The following ASXL3 variants were observed in gnomAD, a reference collection of about 807,000 sequenced individuals.
ASXL3 encodes ASXL transcriptional regulator 3, also known as putative Polycomb group protein ASXL3.
Under a neutral mutation model 170.6 loss-of-function variants are expected in ASXL3, and 34 were observed. The observed-to-expected ratio is 0.20, with a 90% confidence interval of 0.15 to 0.27. The LOEUF is 0.27. Ranked by LOEUF, ASXL3 falls within the 10% of genes least tolerant of loss-of-function variation. The pLI is 1.00. For missense variants in ASXL3, 2,592 were observed against 2,695.3 expected, an observed-to-expected ratio of 0.96 and a Z score of 0.85; for synonymous variants, 1,002 against 989.1, an observed-to-expected ratio of 1.01 and a Z score of -0.24.
intron 1 of ASXL3, among the ~76,000 whole-genome samples, chr18:33,592,651 G>A (rs1419987213): frequency 1.3e-5 from 2 of 152,152 alleles, no homozygotes; most frequent in Non-Finnish European, 1.5e-5. Flanking sequence ...GATTTTTACT[G>A]TTGCATATCT....
intron 4 of ASXL3, among the ~76,000 whole-genome samples, chr18:33,647,749 A>G (rs1265396409): frequency 6.6e-6 from 1 of 152,050 alleles, no homozygotes; most frequent in Non-Finnish European, 1.5e-5. Flanking sequence ...AACAAAAGCA[A>G]ATCTCTCATG....
At chr18:33,640,177 T>C (rs2065824562) in intron 2 of ASXL3, among the ~76,000 whole-genome samples, 2 of 152,092 alleles carry the variant, frequency 1.3e-5, no homozygotes, top group South Asian at 4.1e-4. Flanking sequence ...GGACACTGTT[T>C]CTTCACTATC....
intron 5 of ASXL3, among the ~76,000 whole-genome samples, chr18:33,667,380 T>G (rs1371439781): frequency 6.6e-6 from 1 of 152,166 alleles, no homozygotes; most frequent in Non-Finnish European, 1.5e-5. Context: ...AAGGGAAGCT[T>G]TATATTTGAC....
intron 8 of ASXL3, among the ~76,000 whole-genome samples, chr18:33,720,944 CA>C (rs2067247978): frequency 6.6e-6 from 1 of 151,950 alleles, no homozygotes; most frequent in African/African-American, 2.4e-5. Flanking sequence ...AGGGAAATCC[CA>C]TGTAAGCACA....
At chr18:33,631,482 A>G (rs1284678210) in intron 2 of ASXL3, among the ~76,000 whole-genome samples, 1 of 152,152 alleles carries the variant, frequency 6.6e-6, no homozygotes, top group African/African-American at 2.4e-5. Context: ...GTCAGTTGGC[A>G]TTATTCACAA....
intron 8 of ASXL3, among the ~76,000 whole-genome samples, chr18:33,710,261 C>T (rs929989196): frequency 1.3e-5 from 2 of 151,908 alleles, no homozygotes; most frequent in Non-Finnish European, 2.9e-5. Flanking sequence ...AACTCCGTCT[C>T]AAAAAAACAA....
At chr18:33,600,673 A>T (rs1171448322) in intron 1 of ASXL3, among the ~76,000 whole-genome samples, 1 of 152,166 alleles carries the variant, frequency 6.6e-6, no homozygotes, top group African/African-American at 2.4e-5. Context: ...ACTTACTGAG[A>T]TCCAAAAAAG....
chr18:33,596,576 G>C (rs2065129072), intron 1 of ASXL3, among the ~76,000 whole-genome samples: 1 of 152,096 alleles, frequency 6.6e-6, no homozygotes, highest in Non-Finnish European at 1.5e-5. Flanking sequence ...ATTTCTTCTG[G>C]CAGATACATC....
chr18:33,664,708 A>C (rs1302340677), intron 5 of ASXL3, among the ~76,000 whole-genome samples: 1 of 152,216 alleles, frequency 6.6e-6, no homozygotes, highest in Admixed American at 6.5e-5. Flanking sequence ...ACCCCTGCCT[A>C]AAGCATGTTG....
At chr18:33,640,571 C>T (rs958099368) in intron 2 of ASXL3, among the ~76,000 whole-genome samples, 5 of 151,980 alleles carry the variant, frequency 3.3e-5, no homozygotes, top group African/African-American at 1.2e-4. Context: ...AAATAATTTT[C>T]GTGAAGTATA....
intron 7 of ASXL3, among the ~76,000 whole-genome samples, chr18:33,680,196 T>C (rs1390107310): frequency 6.6e-6 from 1 of 152,130 alleles, no homozygotes. Flanking sequence ...GTTACAATTT[T>C]TTTTTCTGTA....
At chr18:33,648,524 A>G (rs886888067) in intron 4 of ASXL3, among the ~76,000 whole-genome samples, 6 of 152,146 alleles carry the variant, frequency 3.9e-5, no homozygotes, top group African/African-American at 1.2e-4. Context: ...AGTTCTGGAC[A>G]TGAAATTCTT....
At chr18:33,664,460 G>A (rs768207137) in intron 5 of ASXL3, among the ~76,000 whole-genome samples, 17 of 152,094 alleles carry the variant, frequency 1.1e-4, no homozygotes, top group Non-Finnish European at 4.4e-5. Flanking sequence ...AGCCCATACT[G>A]ATAACACACA....
Position 33,646,950 on chromosome 18 carries a change from A to G in ASXL3, c.355+597A>G, listed in dbSNP as rs181134393. Reference sequence around the variant, plus strand: ...TATTTTTGTCTTCCTTAAGACAATTATATTGTGATCCTTTCGGTGTATGTA... The same window carrying G: ...TATTTTTGTCTTCCTTAAGACAATTGTATTGTGATCCTTTCGGTGTATGTA... On this transcript the variant is annotated intron_variant, in intron 4 of 11. Coordinates refer to ENST00000269197, the MANE Select transcript of ASXL3 (RefSeq NM_030632.3). Among the ~76,000 whole-genome samples, 192 of 147,256 alleles carry G rather than the reference A, an allele frequency of 1.3e-3. No homozygotes were observed. The Middle Eastern group carries it at 0.014, about 11-fold the overall frequency.
intron 8 of ASXL3, among the ~76,000 whole-genome samples, chr18:33,723,419 C>A (rs2067295236): frequency 6.6e-6 from 1 of 152,094 alleles, no homozygotes. Context: ...TTGAGGAGTT[C>A]AAGACTTCAG....
At chr18:33,591,474 C>T (rs1054192090) in intron 1 of ASXL3, among the ~76,000 whole-genome samples, 1 of 152,178 alleles carries the variant, frequency 6.6e-6, no homozygotes, top group Non-Finnish European at 1.5e-5. Flanking sequence ...CTCCTATTCT[C>T]ATCCTTTCTC....
At chr18:33,711,186 G>A (rs1352351822) in intron 8 of ASXL3, among the ~76,000 whole-genome samples, 1 of 152,102 alleles carries the variant, frequency 6.6e-6, no homozygotes, top group Admixed American at 6.6e-5. Context: ...ACAGATGTTT[G>A]TATTTGTTTT....
intron 7 of ASXL3, among the ~76,000 whole-genome samples, chr18:33,682,391 C>A (rs370502031): frequency 1.5e-4 from 23 of 152,244 alleles, no homozygotes; most frequent in Admixed American, 4.6e-4. Context: ...GTGTTTGATG[C>A]ATCAGTTGAC....
chr18:33,580,716 T>C (rs534805119), intron 1 of ASXL3, among the ~76,000 whole-genome samples: 1 of 152,302 alleles, frequency 6.6e-6, no homozygotes, highest in African/African-American at 2.4e-5. Context: ...TGGATTTTCC[T>C]CTCGAAAAGT....
Sources: allele counts gnomAD v4.1 joint callset (sites outside exome capture counted in the v4.1 genomes callset), GRCh38; gene constraint gnomAD v4.1.1; transcripts MANE v1.5; gene names NCBI Gene and HGNC (gene_info 2026-07-23, HGNC 2026-07-21).